Variants in LUZP2 observed in about 807,000 individuals in gnomAD.
LUZP2 encodes leucine zipper protein 2.
Under a neutral mutation model 51.6 loss-of-function variants are expected in LUZP2, and 52 were observed. That is an observed-to-expected ratio of 1.01 (90% CI 0.81 to 1.27). The LOEUF is 1.27. Ranked by LOEUF, LUZP2 falls within the 50% of genes most tolerant of loss-of-function variation. The pLI is 0.00. For missense variants in LUZP2, 436 were observed against 395.4 expected (o/e 1.10, Z -0.87); for synonymous variants, 154 against 137.3 (o/e 1.12, Z -0.85).
At chr11:24,892,852 G>C (rs553987376) in intron 5 of LUZP2, 3 of 152,148 alleles carry the variant, frequency 2.0e-5, no homozygotes, top group Non-Finnish European at 4.4e-5. Flanking sequence ...AATGAGTAAA[G>C]GAGAAATATG....
At chr11:24,783,350 T>G (rs1849146363) in intron 5 of LUZP2, among the ~76,000 whole-genome samples, 1 of 151,410 alleles carries the variant, frequency 6.6e-6, no homozygotes, top group African/African-American at 2.4e-5. Flanking sequence ...TACACTTCAT[T>G]TTTTTTTTCC....
rs1378507947 is a variant in LUZP2, at chr11:25,059,298, A to T, written c.858+9168A>T. On this transcript the variant is annotated intron_variant, in intron 10 of 11. Coordinates refer to ENST00000336930, the MANE Select transcript of LUZP2 (RefSeq NM_001009909.4). ...CAAAGTAAATGAAAATTTGACAATGAATTTCTGAAAAGTTATTCCATCTGC... is the reference window on the plus strand; with the variant it reads ...CAAAGTAAATGAAAATTTGACAATGTATTTCTGAAAAGTTATTCCATCTGC... 2.0e-5 allele frequency among the ~76,000 whole-genome samples: 3 copies of T among 152,316 alleles called. No individual in the cohort carries two copies. In the South Asian group the frequency reaches 6.2e-4, roughly 32 times the overall value.
intron 1 of LUZP2, among the ~76,000 whole-genome samples, chr11:24,521,588 G>T (rs1850646904): frequency 6.6e-6 from 1 of 151,924 alleles, no homozygotes; most frequent in Non-Finnish European, 1.5e-5. Context: ...ATATATCATT[G>T]CCCACCTTAC....
intron 1 of LUZP2, among the ~76,000 whole-genome samples, chr11:24,549,464 A>G (rs921217790): frequency 6.6e-6 from 1 of 152,126 alleles, no homozygotes; most frequent in Non-Finnish European, 1.5e-5. Context: ...TACGGAGTAC[A>G]ATATAAAATA....
intron 5 of LUZP2, 125 bp from the exon 6 acceptor site, chr11:24,905,866 C>T: frequency 6.9e-6 from 4 of 577,096 alleles, no homozygotes; most frequent in Admixed American, 2.9e-5. Context: ...TACACCAATC[C>T]ATTACATTTT....
chr11:24,678,936 A>C lies in LUZP2; in HGVS notation c.63-50233A>C, dbSNP rs540374080. On this transcript the variant is annotated intron_variant, in intron 1 of 11. Transcript: ENST00000336930. ...GTCCAGGCATCCAAGCCTGCACCGC[A>C]AGAGAACAATCCTTGGCATTTAGAC... Among the ~76,000 whole-genome samples the C allele has an allele frequency of 2.0e-5, 3 of 152,370 alleles. No individual in the cohort carries two copies. In the East Asian group the frequency reaches 5.8e-4, roughly 29 times the overall value.
intron 9 of LUZP2, among the ~76,000 whole-genome samples, chr11:25,005,139 G>T (rs1369178779): frequency 6.6e-6 from 1 of 152,100 alleles, no homozygotes; most frequent in East Asian, 1.9e-4. Flanking sequence ...AGCTTGAAGG[G>T]GGAACTGATA....
chr11:24,564,983 C>G (rs1265593304), intron 1 of LUZP2, among the ~76,000 whole-genome samples: 1 of 151,982 alleles, frequency 6.6e-6, no homozygotes, highest in East Asian at 1.9e-4. Context: ...TTTAGTGATC[C>G]CAGATTTGGG....
chr11:24,553,044 T>C (rs989103554), intron 1 of LUZP2, among the ~76,000 whole-genome samples: 2 of 151,586 alleles, frequency 1.3e-5, no homozygotes, highest in African/African-American at 4.8e-5. Context: ...ATACACATAC[T>C]GTAGACCTTG....
At chr11:24,740,783 T>A (rs1345642779) in intron 4 of LUZP2, among the ~76,000 whole-genome samples, 3 of 152,152 alleles carry the variant, frequency 2.0e-5, no homozygotes, top group Admixed American at 2.0e-4. Flanking sequence ...ATCCGTTAGC[T>A]GAATGAATAT....
intron 1 of LUZP2, among the ~76,000 whole-genome samples, chr11:24,671,331 C>T (rs1856396339): frequency 6.6e-6 from 1 of 151,680 alleles, no homozygotes; most frequent in African/African-American, 2.4e-5. Flanking sequence ...TGAAAATATT[C>T]CCCTCCCACA....
At chr11:25,034,542 G>GTTTT (rs748782134) in intron 9 of LUZP2, among the ~76,000 whole-genome samples, 2 of 152,012 alleles carry the variant, frequency 1.3e-5, no homozygotes, top group Admixed American at 6.6e-5. Context: ...TGGATTTTTA[G>GTTTT]TTTGAGTTCT....
chr11:24,788,222 C>T (rs35108820), intron 5 of LUZP2, among the ~76,000 whole-genome samples: 6 of 127,138 alleles, frequency 4.7e-5, no homozygotes, highest in Non-Finnish European at 7.9e-5. Context: ...CTGAGTCTCA[C>T]TCGGTTGCCC....
chr11:24,876,505 G>A (rs1216751043), intron 5 of LUZP2, among the ~76,000 whole-genome samples: 1 of 148,622 alleles, frequency 6.7e-6, no homozygotes. Flanking sequence ...CTGTAGCCTT[G>A]TAGTATAGTT....
At chr11:25,019,443 C>T (rs960652049) in intron 9 of LUZP2, among the ~76,000 whole-genome samples, 6 of 151,868 alleles carry the variant, frequency 4.0e-5, no homozygotes. Flanking sequence ...TATCATATAC[C>T]ATTGTCTTAT....
At chr11:24,598,835 C>T (rs756361338) in intron 1 of LUZP2, among the ~76,000 whole-genome samples, 22 of 152,072 alleles carry the variant, frequency 1.4e-4, no homozygotes, top group Non-Finnish European at 2.8e-4. Context: ...AAAACAATTC[C>T]AAAGATAGGC....
At chr11:25,071,455 A>T (rs572796628) in intron 10 of LUZP2, among the ~76,000 whole-genome samples, 3 of 152,138 alleles carry the variant, frequency 2.0e-5, no homozygotes, top group African/African-American at 7.2e-5. Context: ...GTTTAAATAT[A>T]AAGTTTATAT....
chr11:24,602,028 A>G lies in LUZP2; in HGVS notation c.62+104723A>G, dbSNP rs143855723. 2.5e-3 allele frequency among the ~76,000 whole-genome samples: 362 copies of G among 144,450 alleles called. 2 individuals are homozygous for G. The highest frequency in any genetic ancestry group is 8.7e-3 in the African/African-American group (341 of 39,404). 94.8% of individuals were successfully genotyped at this position (144,450 alleles called of 152,430 possible). ...TATATGTATATATGTATATATGTGT[A>G]TATATGTATATCTGTATATATGTGT... On this transcript the variant is annotated intron_variant, in intron 1 of 11. Coordinates refer to ENST00000336930, the MANE Select transcript of LUZP2 (RefSeq NM_001009909.4).
chr11:24,921,904 A>G (rs564344507), intron 7 of LUZP2, among the ~76,000 whole-genome samples: 1 of 152,218 alleles, frequency 6.6e-6, no homozygotes, highest in African/African-American at 2.4e-5. Context: ...TTGACCCTCA[A>G]CACAACCCCT....
Sources: gnomAD v4.1 joint callset for allele counts (sites outside exome capture counted in the v4.1 genomes callset) on GRCh38, gnomAD v4.1.1 for gene constraint, MANE v1.5 for transcripts, NCBI Gene and HGNC (gene_info 2026-07-23, HGNC 2026-07-21) for gene names.